The following SLC48A1 variants were observed in gnomAD, a reference collection of about 807,000 sequenced individuals.
SLC48A1 encodes the protein heme transporter HRG1.
Under a neutral mutation model 14.8 loss-of-function variants are expected in SLC48A1, and 6 were observed. That is an observed-to-expected ratio of 0.41 (90% confidence interval 0.22 to 0.80). SLC48A1 has a LOEUF of 0.80. SLC48A1 is among the 30% of genes least tolerant of loss of function. The pLI is 0.34. For missense variants in SLC48A1, 165 were observed against 204.8 expected (o/e 0.81, Z 1.19); for synonymous variants, 89 against 90.0 (o/e 0.99, Z 0.06).
intron 2 of SLC48A1, among the ~76,000 whole-genome samples, chr12:47,764,147 C>T (rs998404227): frequency 4.6e-5 from 7 of 151,812 alleles, no homozygotes; most frequent in Admixed American, 1.3e-4. Flanking sequence ...AGAGAGAGAG[C>T]ATGTGTGTGT....
chr12:47,773,055 C>T (rs1029119060), upstream of SLC48A1: 6 of 400,278 alleles, frequency 1.5e-5, no homozygotes, highest in South Asian at 4.1e-4. Context: ...GCCCAGGAAT[C>T]CGCCTTTTTA....
chr12:47,775,196 A>C (rs980031566), intron 1 of SLC48A1, among the ~76,000 whole-genome samples: 5 of 152,132 alleles, frequency 3.3e-5, no homozygotes, highest in African/African-American at 1.2e-4. Flanking sequence ...CCACTCCCTG[A>C]GTCTCCAGCT....
chr12:47,755,136 G>A (rs1592577826), upstream of SLC48A1, among the ~76,000 whole-genome samples: 1 of 152,212 alleles, frequency 6.6e-6, no homozygotes, highest in Non-Finnish European at 1.5e-5. Context: ...CAGCATGGTG[G>A]TTATGTGGTT....
At chr12:47,757,011 C>T (rs11168227), upstream of SLC48A1, among the ~76,000 whole-genome samples, 27,177 of 151,786 alleles carry the variant, frequency 0.18, 3,017 homozygotes, top group Admixed American at 0.33. Context: ...TGAACTCTCC[C>T]GGCCAAGCGC....
At chr12:47,759,827 C>T (rs986516080) in intron 1 of SLC48A1, among the ~76,000 whole-genome samples, 4 of 152,200 alleles carry the variant, frequency 2.6e-5, no homozygotes, top group Non-Finnish European at 5.9e-5. Context: ...GACTTTTTGC[C>T]CCTTCTCTTC....
At chr12:47,769,843 A>G (rs1245354953), upstream of SLC48A1, among the ~76,000 whole-genome samples, 2 of 152,188 alleles carry the variant, frequency 1.3e-5, no homozygotes, top group Non-Finnish European at 2.9e-5. Context: ...ATTAAATTAA[A>G]TTTAAATTAA....
chr12:47,769,010 A>G (rs1014377598), upstream of SLC48A1: 13 of 152,230 alleles, frequency 8.5e-5, no homozygotes, highest in African/African-American at 2.9e-4. Context: ...ATTCAAGCCT[A>G]GGTTCTTTCC....
At chr12:47,780,041 G>A (rs1412943272) in intron 2 of SLC48A1, 104 bp from the exon 3 acceptor site, 12 of 1,369,410 alleles carry the variant, frequency 8.8e-6, no homozygotes, top group Admixed American at 6.1e-5. Flanking sequence ...CTGCCAGGAC[G>A]TTGCAGGGAT....
intron 1 of SLC48A1, 56 bp from the exon 2 acceptor site, chr12:47,778,972 G>T (rs1942806382): frequency 1.3e-6 from 2 of 1,510,868 alleles, no homozygotes; most frequent in Non-Finnish European, 1.8e-6. Flanking sequence ...TGGTCTAGTG[G>T]ATCTGCAGGG....
upstream of SLC48A1, chr12:47,758,403 C>T (rs1465786107): frequency 9.1e-6 from 14 of 1,532,586 alleles, no homozygotes; most frequent in South Asian, 1.4e-4. Context: ...TTCACTAGGT[C>T]TCCCAGAAAT....
At chr12:47,771,062 C>G (rs1473521858), upstream of SLC48A1, 1 of 379,518 alleles carries the variant, frequency 2.6e-6, no homozygotes, top group East Asian at 7.4e-5. Flanking sequence ...GAGCTCACAG[C>G]CTTGACATCA....
upstream of SLC48A1, among the ~76,000 whole-genome samples, chr12:47,756,851 C>T (rs530354461): frequency 6.6e-5 from 10 of 151,956 alleles, no homozygotes; most frequent in African/African-American, 2.4e-4. Context: ...CACCTGTAGC[C>T]CCAGCTACTC....
chr12:47,759,260 G>A, intron 1 of SLC48A1: 5 of 307,880 alleles, frequency 1.6e-5, no homozygotes, highest in South Asian at 1.3e-4. Context: ...AGGGAAATCC[G>A]GGCTGGGGCC....
chr12:47,775,705 C>T (rs1299616052), intron 1 of SLC48A1, among the ~76,000 whole-genome samples: 1 of 152,210 alleles, frequency 6.6e-6, no homozygotes, highest in Non-Finnish European at 1.5e-5. Flanking sequence ...CCCCAGCATG[C>T]TCCTTCTCCT....
At chr12:47,758,136 C>T, upstream of SLC48A1, 6 of 1,522,048 alleles carry the variant, frequency 3.9e-6, no homozygotes, top group Non-Finnish European at 5.3e-6. Flanking sequence ...GGCTGGGCCA[C>T]AGTACAACTG....
At chr12:47,773,698 C>T (rs184363224) in intron 1 of SLC48A1, among the ~76,000 whole-genome samples, 301 of 152,302 alleles carry the variant, frequency 2.0e-3, no homozygotes, top group Admixed American at 3.3e-3. Context: ...CACAGACCTG[C>T]CGCGCCGCCC....
chr12:47,758,117 G>T, upstream of SLC48A1: 1 of 1,535,528 alleles, frequency 6.5e-7, no homozygotes, highest in Non-Finnish European at 8.8e-7. Flanking sequence ...CATGGGACAC[G>T]ACTGGGGCGG....
chr12:47,773,467 G>A (rs1422069601), intron 1 of SLC48A1, 27 bp downstream of exon 1: 2 of 1,309,758 alleles, frequency 1.5e-6, no homozygotes, highest in Admixed American at 4.1e-5. Flanking sequence ...GGCGGCGCGG[G>A]GCGGGTGCGC....
chr12:47,756,684 C>T (rs1565770327), upstream of SLC48A1, among the ~76,000 whole-genome samples: 2 of 152,156 alleles, frequency 1.3e-5, no homozygotes, highest in African/African-American at 2.4e-5. Context: ...AAGAAGTGAA[C>T]TCTCGGCTAG....
Sources: gnomAD v4.1 joint callset for allele counts (sites outside exome capture counted in the v4.1 genomes callset) on GRCh38, gnomAD v4.1.1 for gene constraint, MANE v1.5 for transcripts, NCBI Gene and HGNC (gene_info 2026-07-23, HGNC 2026-07-21) for gene names.